SYNJ2: variants seen among roughly 807,000 people sequenced by gnomAD.
SYNJ2 encodes the protein synaptojanin 2, also known as polyphosphatidylinositol phosphatase SYNJ2.
SYNJ2 carries 116 observed loss-of-function variants against 141.3 expected under a neutral mutation model. That is an observed-to-expected ratio of 0.82 (90% CI 0.71 to 0.96). The LOEUF is 0.96. Ranked by LOEUF, SYNJ2 falls within the 40% of genes least tolerant of loss-of-function variation. SYNJ2 has a pLI of 0.00. For missense variants in SYNJ2, 1,873 were observed against 1,934.8 expected, an observed-to-expected ratio of 0.97 and a Z score of 0.60; for synonymous variants, 745 against 777.7, an observed-to-expected ratio of 0.96 and a Z score of 0.70.
intron 5 of SYNJ2, among the ~76,000 whole-genome samples, chr6:158,049,841 C>G (rs118107730): frequency 0.011 from 1,705 of 152,040 alleles, 19 homozygotes; most frequent in Middle Eastern, 0.031. Flanking sequence ...CATGCCTCTG[C>G]TGGTATGCAC....
At chr6:158,017,172 C>T in intron 1 of SYNJ2, 32 bp from the exon 2 acceptor site, 1 of 1,608,246 alleles carries the variant, frequency 6.2e-7, no homozygotes, top group African/African-American at 1.3e-5. Flanking sequence ...GAGACGCTCG[C>T]TGATGCCTTC....
chr6:158,024,391 C>T (rs1027848409), intron 2 of SYNJ2, among the ~76,000 whole-genome samples: 9 of 152,142 alleles, frequency 5.9e-5, no homozygotes, highest in African/African-American at 2.2e-4. Flanking sequence ...GCCCAGATTG[C>T]GCCACTGCAC....
In SYNJ2 at chr6:158,027,438, C is replaced by G. The variant is rs115964439; in HGVS notation, c.215-1318C>G. The G allele has an allele frequency of 8.0e-3, 1,254 of 156,098 alleles. 16 individuals carry two copies. Among genetic ancestry groups the G allele is most frequent in the African/African-American group, 0.029 (1,215 of 41,598 alleles). The allele number at this position is 156,098 out of a possible 1,614,324, so 9.7% of individuals were successfully genotyped here. A position where few individuals can be genotyped will look rare whatever the true frequency, so the allele number is the denominator to read the frequency against. ...TGAGGCACGGCGCCACCAGGCACCC[C>G]CGATACGCAGCGTGTTGTGAAGTGC... On this transcript the variant is annotated intron_variant, in intron 2 of 26. Transcript: ENST00000355585. The surrounding 1 kb of genome is among the most constrained non-coding windows in gnomAD (Gnocchi z 4.6).
At chr6:158,085,845 T>TCGCGGTGGTTCTG (rs1782996321) in intron 22 of SYNJ2, among the ~76,000 whole-genome samples, 1 of 152,034 alleles carries the variant, frequency 6.6e-6, no homozygotes, top group Non-Finnish European at 1.5e-5. Context: ...CGCCGGAGCA[T>TCGCGGTGGTTCTG]CGCGGTGGTT....
chr6:158,066,608 C>A lies in SYNJ2; in HGVS notation c.1690C>A (p.Gln564Lys). Residue 564 changes from glutamine (Q) to lysine (K), a missense_variant, in exon 12 of 27, where the codon CAG (glutamine) becomes AAG (lysine). Transcript: ENST00000355585. ...GACAGACTGGCTGCTCGACTCGCCC[C>A]AGCTCTCGGGAGCTACCGACTCCCA... The part of the protein sequence containing the change: ...ELTDWLLDSP[Q>K]LSGATDSQDD... 1 of 1,613,854 alleles carries A rather than the reference C, an allele frequency of 6.2e-7. No homozygotes were observed. The highest frequency in any genetic ancestry group is 8.5e-7 in the Non-Finnish European group (1 of 1,180,006).
chr6:158,017,244 G>A lies in SYNJ2; in HGVS notation c.168G>A (p.Lys56=). 1 of 1,613,974 alleles carries A rather than the reference G, an allele frequency of 6.2e-7. No homozygotes were observed. The highest frequency in any genetic ancestry group is 8.5e-7 in the Non-Finnish European group (1 of 1,179,946). ...AAGTCATTAAAGGACAGTATGGCAA[G>A]CTCACGGACGCGTACGGCTGCCTGG... ...EKEVIKGQYG[K]LTDAYGCLGE... Residue 56 remains lysine (K), a synonymous_variant, in exon 2 of 27, where the codon AAG becomes AAA. Transcript: ENST00000355585.
rs1777054320 is a variant in SYNJ2, at chr6:157,982,547, C to T, written c.127+459C>T. Reference sequence around the variant, plus strand: ...CCCAAAACATAGGCTCTGGAGAAACCGCTGATGGCAGCTTTGTCCCACGTA... The same window carrying T: ...CCCAAAACATAGGCTCTGGAGAAACTGCTGATGGCAGCTTTGTCCCACGTA... On this transcript the variant is annotated intron_variant, in intron 1 of 26. Coordinates refer to ENST00000355585, the MANE Select transcript of SYNJ2 (RefSeq NM_003898.4). This position sits in a 1 kb window ranked among gnomAD's most constrained non-coding sequence, Gnocchi z 4.0. Among the ~76,000 whole-genome samples, 1 of 152,208 alleles carries T rather than the reference C, an allele frequency of 6.6e-6. No homozygotes were observed. The highest frequency in any genetic ancestry group is 1.5e-5 in the Non-Finnish European group (1 of 68,034).
At chr6:157,995,365 AAAC>A (rs1777600214) in intron 1 of SYNJ2, among the ~76,000 whole-genome samples, 1 of 152,134 alleles carries the variant, frequency 6.6e-6, no homozygotes, top group South Asian at 2.1e-4. Flanking sequence ...CTATTAAAAA[AAAC>A]AAACAGTGTG....
chr6:158,010,789 G>A (rs117843523), intron 1 of SYNJ2, among the ~76,000 whole-genome samples: 2,119 of 152,224 alleles, frequency 0.014, 24 homozygotes, highest in Non-Finnish European at 0.021. Context: ...GACATGTGGG[G>A]AGAGGATGGC....
intron 2 of SYNJ2, among the ~76,000 whole-genome samples, chr6:158,021,396 CCACATGGGCCATG>C (rs1316385987): frequency 6.6e-6 from 1 of 152,218 alleles, no homozygotes; most frequent in Non-Finnish European, 1.5e-5. Context: ...CTCAGGAGGT[CCACATGGGCCATG>C]CACATGGTAG....
chr6:158,029,232 G>A (rs1779229887), intron 3 of SYNJ2: 1 of 629,604 alleles, frequency 1.6e-6, no homozygotes, highest in Non-Finnish European at 2.6e-6. Flanking sequence ...CTGGCCCCTG[G>A]AATGTGTTCA....
At chr6:158,029,496 CG>C in intron 3 of SYNJ2, 1 of 154,460 alleles carries the variant, frequency 6.5e-6, no homozygotes, top group East Asian at 1.9e-4. Flanking sequence ...ACCCAGGAAA[CG>C]GAGGTTGCTG....
At chr6:158,032,413 G>T (rs1779415553) in intron 3 of SYNJ2, among the ~76,000 whole-genome samples, 1 of 152,198 alleles carries the variant, frequency 6.6e-6, no homozygotes, top group Non-Finnish European at 1.5e-5. Flanking sequence ...CCTGTAAGAG[G>T]GCATCTCCTG....
Position 158,059,189 on chromosome 6 carries a change from G to A in SYNJ2, c.858-68G>A, listed in dbSNP as rs1781049203. The A allele has an allele frequency of 7.0e-6, 10 of 1,425,598 alleles. No homozygotes were observed. In the Admixed American group the frequency reaches 1.2e-4, roughly 17 times the overall value. 88.3% of individuals were successfully genotyped at this position (1,425,598 alleles called of 1,614,324 possible). On this transcript the variant is annotated intron_variant, in intron 6 of 26. Coordinates refer to ENST00000355585, the MANE Select transcript of SYNJ2 (RefSeq NM_003898.4). Reference sequence around the variant, plus strand: ...ACTCCTGCCCCGTCTTCCCTTGAGGGGCAGAACAGGGCAGAGTCTGCACCT... The same window carrying A: ...ACTCCTGCCCCGTCTTCCCTTGAGGAGCAGAACAGGGCAGAGTCTGCACCT...
Position 158,074,570 on chromosome 6 carries a change from T to C in SYNJ2, c.2134-10T>C. On this transcript the variant is annotated splice_polypyrimidine_tract_variant and intron_variant, in intron 15 of 26. Coordinates refer to ENST00000355585, the MANE Select transcript of SYNJ2 (RefSeq NM_003898.4). Reference sequence around the variant, plus strand: ...TGGGCTGAATGATTATGATTTTCTTTTCAACTTAGGGGAGAAATGTTTTTT... The same window carrying C: ...TGGGCTGAATGATTATGATTTTCTTCTCAACTTAGGGGAGAAATGTTTTTT... 1 of 1,608,320 alleles carries C rather than the reference T, an allele frequency of 6.2e-7. No homozygotes were observed. The highest frequency in any genetic ancestry group is 1.3e-5 in the African/African-American group (1 of 74,738).
rs1005041343 is a variant in SYNJ2 at position 158,048,849 on chromosome 6, G to A, written c.795+5450G>A. 2.7e-4 allele frequency among the ~76,000 whole-genome samples: 41 copies of A among 152,314 alleles called. 1 individual carries two copies. The highest frequency in any genetic ancestry group is 5.5e-4 in the African/African-American group (23 of 41,554). On this transcript the variant is annotated intron_variant, in intron 5 of 26. Transcript: ENST00000355585. ...AGAGTTGGGACCAGCTGGGTGCACCGTCGGCTTGCAAGCCTGCAGGAGCTG... is the reference window on the plus strand; with the variant it reads ...AGAGTTGGGACCAGCTGGGTGCACCATCGGCTTGCAAGCCTGCAGGAGCTG...
At chr6:158,061,258 G>A (rs1022569120) in intron 7 of SYNJ2, among the ~76,000 whole-genome samples, 1 of 152,256 alleles carries the variant, frequency 6.6e-6, no homozygotes, top group Non-Finnish European at 1.5e-5. Flanking sequence ...AGTGCAGGGT[G>A]AGAGGCCTGG....
intron 2 of SYNJ2, chr6:158,017,725 CTCTTT>C (rs768904015): frequency 3.0e-5 from 16 of 530,284 alleles, no homozygotes; most frequent in South Asian, 8.5e-5. Context: ...GACCTCTCTT[CTCTTT>C]TAAGATGTTT....
chr6:158,068,518 G>GGTA, intron 12 of SYNJ2, 129 bp from the exon 13 acceptor site: 1 of 977,756 alleles, frequency 1.0e-6, no homozygotes, highest in Non-Finnish European at 1.5e-6. Flanking sequence ...CAGCAGCAAT[G>GGTA]GTAGCCACCT....
Sources: gnomAD v4.1 joint callset for allele counts (sites outside exome capture counted in the v4.1 genomes callset) on GRCh38, gnomAD v4.1.1 for gene constraint, Gnocchi (gnomAD v3.1) non-coding constraint, MANE v1.5 for transcripts, NCBI Gene and HGNC (gene_info 2026-07-23, HGNC 2026-07-21) for gene names.